COL6A3: variants seen among roughly 807,000 people sequenced by gnomAD.
The protein encoded by COL6A3 is collagen alpha-3(VI) chain.
In COL6A3, 137 loss-of-function variants were observed where a neutral mutation model predicts 274.1. The ratio of observed to expected loss-of-function variants is 0.50; its 90% CI spans 0.44 to 0.58. The LOEUF (loss-of-function observed/expected upper bound fraction) is 0.58. COL6A3 is among the 20% of genes least tolerant of loss of function. The pLI is 0.00. For synonymous variants in COL6A3, 1,650 were observed against 1,650.6 expected (o/e 1.00, Z 0.01); for missense variants, 3,950 against 4,124.9 (o/e 0.96, Z 1.16).
chr2:237,357,282 G>T, intron 23 of COL6A3, 56 bp downstream of exon 23: 2 of 1,486,826 alleles, frequency 1.3e-6, no homozygotes, highest in Non-Finnish European at 1.9e-6. Flanking sequence ...ATGTTGGGCA[G>T]ATCTTATGGC....
intron 22 of COL6A3, 61 bp downstream of exon 22, chr2:237,357,756 G>A (rs1485481443): frequency 6.5e-7 from 1 of 1,548,742 alleles, no homozygotes; most frequent in Non-Finnish European, 8.9e-7. Flanking sequence ...GATGAGCCGA[G>A]AAGTGTGTCC....
chr2:237,345,166 A>G lies in COL6A3; in HGVS notation c.7125+15T>C, dbSNP rs370171048. 23 of 1,614,080 alleles carry G rather than the reference A, an allele frequency of 1.4e-5. No homozygotes were observed. The African/African-American group carries it at 2.7e-4, about 19-fold the overall frequency. ...TCATGAGGTTAATGAGTCATTCTGG[A>G]CACATGCAACTTACATCGATGGAGT... On this transcript the variant is annotated intron_variant, in intron 33 of 43. Coordinates refer to ENST00000295550, the MANE Select transcript of COL6A3 (RefSeq NM_004369.4).
intron 41 of COL6A3, 78 bp downstream of exon 41, chr2:237,334,548 A>G: frequency 6.8e-7 from 1 of 1,462,590 alleles, no homozygotes; most frequent in Non-Finnish European, 9.5e-7. Flanking sequence ...TAGATTCAAT[A>G]AGTAAGTGTC....
chr2:237,371,737 G>A lies in COL6A3; in HGVS notation c.4280C>T (p.Pro1427Leu), dbSNP rs756126826. The change falls in exon 9 of 44, where the codon CCT becomes CTT. Residue 1427 changes from proline (P) to leucine (L), a missense_variant. Pro to Leu is a moderately conservative substitution (Grantham distance 98). This residue lies in a region of COL6A3 where 1,934 missense variants were observed against 1,984.3 expected (regional missense o/e 0.97). Transcript: ENST00000295550. This position sits in a 1 kb window ranked among gnomAD's most constrained non-coding sequence, Gnocchi z 4.3. The stretch of plus-strand genomic sequence containing the variant: ...CTCCGACGCCCCCATCTCACCTGGA[G>A]GTGGATAGCGAGTGCTGGCTAAGAG... The part of the protein sequence containing the change: ...QKLLASTRYP[P>L]PAVESDAADI... The A allele has an allele frequency of 1.3e-6, 2 of 1,596,744 alleles. No individual in the cohort carries two copies. The highest frequency in any genetic ancestry group is 1.3e-5 in the African/African-American group (1 of 74,296).
At chr2:237,348,230 C>T (rs763134757) in intron 30 of COL6A3, 119 bp downstream of exon 30, 152 of 877,532 alleles carry the variant, frequency 1.7e-4, no homozygotes, top group Non-Finnish European at 2.6e-4. Context: ...CTCAGGGTAG[C>T]CCAGTTAACT....
chr2:237,379,640 A>G (rs1205724746), intron 5 of COL6A3, among the ~76,000 whole-genome samples: 1 of 152,156 alleles, frequency 6.6e-6, no homozygotes, highest in Non-Finnish European at 1.5e-5. Context: ...GCTCACCTCT[A>G]CCCACAAACA....
At chr2:237,347,057 A>G (rs571676001) in intron 31 of COL6A3, among the ~76,000 whole-genome samples, 56 of 152,170 alleles carry the variant, frequency 3.7e-4, no homozygotes, top group African/African-American at 1.3e-3. Context: ...ACACAGATCT[A>G]GGCCACAATT....
intron 3 of COL6A3, among the ~76,000 whole-genome samples, chr2:237,390,406 G>C (rs1490301128): frequency 6.6e-6 from 1 of 152,138 alleles, no homozygotes; most frequent in Admixed American, 6.5e-5. Flanking sequence ...ACATACAAGG[G>C]CATGCTTTGT....
At chr2:237,370,190 T>C (rs2077652538) in intron 9 of COL6A3, among the ~76,000 whole-genome samples, 1 of 151,454 alleles carries the variant, frequency 6.6e-6, no homozygotes, top group South Asian at 2.1e-4. Context: ...TCATTTTCTT[T>C]ACATTAGCGC....
intron 1 of COL6A3, among the ~76,000 whole-genome samples, chr2:237,403,202 AG>A (rs1489807432): frequency 6.6e-6 from 1 of 152,110 alleles, no homozygotes; most frequent in Non-Finnish European, 1.5e-5. Flanking sequence ...TCAGGCCCAG[AG>A]GGAGAAGCTG....
chr2:237,402,522 A>T (rs1206551428), intron 1 of COL6A3, among the ~76,000 whole-genome samples: 1 of 152,186 alleles, frequency 6.6e-6, no homozygotes, highest in African/African-American at 2.4e-5. Context: ...TTGAGGTGTG[A>T]TAGAGTTTAA....
At chr2:237,379,844 C>T (rs1167154253) in intron 5 of COL6A3, among the ~76,000 whole-genome samples, 10 of 152,248 alleles carry the variant, frequency 6.6e-5, no homozygotes, top group Admixed American at 6.5e-4. Context: ...AATCATCCAA[C>T]AGGGGAATTC....
At chr2:237,401,781 C>G (rs1430849436) in intron 1 of COL6A3, among the ~76,000 whole-genome samples, 1 of 151,960 alleles carries the variant, frequency 6.6e-6, no homozygotes, top group African/African-American at 2.4e-5. Context: ...ACCTCCCAGG[C>G]CCAAGCAATC....
intron 6 of COL6A3, among the ~76,000 whole-genome samples, chr2:237,378,003 G>C (rs1054980857): frequency 1.3e-5 from 2 of 152,212 alleles, no homozygotes; most frequent in African/African-American, 2.4e-5. Context: ...AGTTAAAACA[G>C]TTCTTAGAAC....
chr2:237,389,251 A>G (rs1351507863), intron 3 of COL6A3, among the ~76,000 whole-genome samples: 1 of 152,214 alleles, frequency 6.6e-6, no homozygotes, highest in Non-Finnish European at 1.5e-5. Flanking sequence ...AGGGCCAGAG[A>G]TTTCACAGCA....
rs113332380 is a variant in COL6A3, at chr2:237,365,703, C to T, written c.5833G>A (p.Val1945Met). 28 of 1,614,178 alleles carry T rather than the reference C, an allele frequency of 1.7e-5. No individual in the cohort carries two copies. Among genetic ancestry groups the T allele is most frequent in the South Asian group, 7.7e-5 (7 of 91,084 alleles). ...NKFRQSSPDS[V>M]KVVIHFTDGA... ...AACCAACTGGCCCCACAGACCTTCA[C>T]GCTGTCCGGCGAGGACTGTCTGAAC... is the stretch of plus-strand genomic sequence containing the variant. Residue 1945 changes from valine to methionine, a missense_variant, in exon 12 of 44, where the codon GTG (valine) becomes ATG (methionine). Physicochemically the swap from Val to Met is conservative, Grantham distance 21. Coordinates refer to ENST00000295550, the MANE Select transcript of COL6A3 (RefSeq NM_004369.4).
At chr2:237,335,019 A>G in intron 40 of COL6A3, 130 bp from the exon 41 acceptor site, 1 of 1,041,718 alleles carries the variant, frequency 9.6e-7, no homozygotes, top group Admixed American at 1.9e-5. Context: ...GAGGCGGGGA[A>G]CTAATTTCTT....
rs111428562 is a variant in COL6A3, at chr2:237,345,514, T to G, written c.7093-301A>C. Among the ~76,000 whole-genome samples, 557 of 152,272 alleles carry G rather than the reference T, an allele frequency of 3.7e-3. 7 individuals are homozygous for G. Among genetic ancestry groups the G allele is most frequent in the African/African-American group, 0.013 (522 of 41,536 alleles). ...AGTGAACCTGGGTCTAGATTCTGCT[T>G]CTCTTGAGAAAAGAGCTCCCTTTCA... On this transcript the variant is annotated intron_variant, in intron 32 of 43. Coordinates refer to ENST00000295550, the MANE Select transcript of COL6A3 (RefSeq NM_004369.4).
chr2:237,338,290 CTGAGAA>C (rs1456774701), intron 39 of COL6A3, among the ~76,000 whole-genome samples: 1 of 152,144 alleles, frequency 6.6e-6, no homozygotes, highest in Non-Finnish European at 1.5e-5. Context: ...AGCTAGCCTG[CTGAGAA>C]TGAGAGACCA....
Sources: allele counts gnomAD v4.1 joint callset (sites outside exome capture counted in the v4.1 genomes callset), GRCh38; gene constraint gnomAD v4.1.1; regional missense constraint gnomAD v4.1.1; non-coding constraint Gnocchi (gnomAD v3.1); transcripts MANE v1.5; gene names NCBI Gene and HGNC (gene_info 2026-07-23, HGNC 2026-07-21).